The following NCOA2 variants were observed in gnomAD, a reference collection of about 807,000 sequenced individuals.
The protein encoded by NCOA2 is class E basic helix-loop-helix protein 75.
In NCOA2, 21 loss-of-function variants were observed where a neutral mutation model predicts 145.1. The observed-to-expected ratio is 0.14, with a 90% CI of 0.10 to 0.21. The LOEUF is 0.21. Ranked by LOEUF, NCOA2 falls within the 10% of genes least tolerant of loss-of-function variation. The pLI, the probability that NCOA2 is intolerant of heterozygous loss-of-function variation, is 1.00. For missense variants in NCOA2, 1,472 were observed against 1,837.6 expected (o/e 0.80, Z 3.64); for synonymous variants, 619 against 637.5 (o/e 0.97, Z 0.44).
At chr8:70,295,658 G>A (rs1827034719) in intron 2 of NCOA2, among the ~76,000 whole-genome samples, 1 of 152,128 alleles carries the variant, frequency 6.6e-6, no homozygotes, top group Non-Finnish European at 1.5e-5. Context: ...ATAAGCTTAA[G>A]AGTCTGGGCG....
At chr8:70,150,668 G>GA (rs1811636109) in intron 11 of NCOA2, among the ~76,000 whole-genome samples, 1 of 152,158 alleles carries the variant, frequency 6.6e-6, no homozygotes, top group Non-Finnish European at 1.5e-5. Context: ...CATATGTAAA[G>GA]TTGACTCCAC....
chr8:70,437,809 C>G, the NCOA2 span, among the ~76,000 whole-genome samples: 1 of 152,092 alleles, frequency 6.6e-6, no homozygotes, highest in African/African-American at 2.4e-5. Context: ...AGTTTGACAA[C>G]ATAATCATTA....
chr8:70,336,356 T>A (rs1165678424), intron 1 of NCOA2, among the ~76,000 whole-genome samples: 1 of 152,186 alleles, frequency 6.6e-6, no homozygotes, highest in Non-Finnish European at 1.5e-5. Context: ...CTGGCTTATT[T>A]CACTTAGCCA....
intron 5 of NCOA2, among the ~76,000 whole-genome samples, chr8:70,173,532 C>G (rs1814479084): frequency 6.6e-6 from 1 of 152,166 alleles, no homozygotes; most frequent in African/African-American, 2.4e-5. Flanking sequence ...AAGTAGCACT[C>G]TCTGGCCTTC....
chr8:70,398,734 A>G (rs1813928687), intron 1 of NCOA2, among the ~76,000 whole-genome samples: 1 of 152,224 alleles, frequency 6.6e-6, no homozygotes, highest in Admixed American at 6.5e-5. Context: ...AAACACCACC[A>G]TAGGTTCCCT....
chr8:70,150,879 T>A (rs938218885), intron 11 of NCOA2, among the ~76,000 whole-genome samples: 1 of 152,222 alleles, frequency 6.6e-6, no homozygotes, highest in Non-Finnish European at 1.5e-5. Context: ...GGAATTCCTA[T>A]AATTTCCATT....
At chr8:70,450,636 A>G in the NCOA2 span, among the ~76,000 whole-genome samples, 7 of 127,488 alleles carry the variant, frequency 5.5e-5, no homozygotes, top group African/African-American at 2.2e-4. Context: ...CTGGAGTGCA[A>G]TGGGGCAATC....
rs1017401799 is a variant in NCOA2, at chr8:70,264,453, C to T, written c.-20+32291G>A. On this transcript the variant is annotated intron_variant, in intron 2 of 22. Coordinates refer to ENST00000452400, the MANE Select transcript of NCOA2 (RefSeq NM_006540.4). The stretch of plus-strand genomic sequence containing the variant: ...GAGGCTGCAGAGAGGTGTGATAGTG[C>T]CACTGCATTCCAGCCTGGGCAACAG... Among the ~76,000 whole-genome samples the T allele has an allele frequency of 2.0e-5, 3 of 151,740 alleles. No homozygotes were observed. The East Asian group carries it at 5.8e-4, about 29-fold the overall frequency.
chr8:70,354,889 G>C (rs1243213716), intron 1 of NCOA2, among the ~76,000 whole-genome samples: 1 of 152,110 alleles, frequency 6.6e-6, no homozygotes, highest in Non-Finnish European at 1.5e-5. Flanking sequence ...ATTATTCTCT[G>C]AGATGTGAAC....
At chr8:70,277,339 T>C (rs1034430090) in intron 2 of NCOA2, among the ~76,000 whole-genome samples, 1 of 152,188 alleles carries the variant, frequency 6.6e-6, no homozygotes, top group African/African-American at 2.4e-5. Context: ...TTTCTGTTTT[T>C]CCAAGTAATA....
chr8:70,124,214 C>A (rs375243075), intron 20 of NCOA2, 132 bp from the exon 21 acceptor site: 11 of 825,000 alleles, frequency 1.3e-5, no homozygotes, highest in Non-Finnish European at 1.9e-6. Context: ...CAGGCTGAGA[C>A]AGCCGGCAGG....
chr8:70,335,122 CAAAAAAAAAAAAAA>C (rs59460365), intron 1 of NCOA2, among the ~76,000 whole-genome samples: 51 of 29,470 alleles, frequency 1.7e-3, no homozygotes, highest in East Asian at 3.8e-3. Flanking sequence ...GACTCCATCT[CAAAAAAAAAAAAAA>C]AAAAAAAAAA....
At chr8:70,324,158 T>C (rs890593485) in intron 1 of NCOA2, among the ~76,000 whole-genome samples, 3 of 152,170 alleles carry the variant, frequency 2.0e-5, no homozygotes, top group African/African-American at 7.2e-5. Flanking sequence ...ACTCCAAATA[T>C]CTCTATTTTC....
At chr8:70,177,964 G>C (rs910659114) in intron 4 of NCOA2, among the ~76,000 whole-genome samples, 2 of 152,176 alleles carry the variant, frequency 1.3e-5, no homozygotes, top group African/African-American at 4.8e-5. Context: ...GTTTGTGATA[G>C]TAACCCATTT....
Position 70,288,909 on chromosome 8 carries a change from T to C in NCOA2, c.-20+7835A>G, listed in dbSNP as rs577245004. ...ACAATTAAACATCTAACCTCTATAT[T>C]AGAGAAAAAATTTAACTGTTCCCAA... is the stretch of plus-strand genomic sequence containing the variant. On this transcript the variant is annotated intron_variant, in intron 2 of 22. Coordinates refer to ENST00000452400, the MANE Select transcript of NCOA2 (RefSeq NM_006540.4). Among the ~76,000 whole-genome samples the C allele has an allele frequency of 1.2e-4, 19 of 152,268 alleles. No homozygotes were observed. In the South Asian group the frequency reaches 3.9e-3, roughly 32 times the overall value.
chr8:70,209,180 TA>T (rs1381528264), intron 4 of NCOA2, among the ~76,000 whole-genome samples: 1 of 152,198 alleles, frequency 6.6e-6, no homozygotes. Flanking sequence ...GAAGTAACTC[TA>T]GATGCAGTGG....
intron 2 of NCOA2, among the ~76,000 whole-genome samples, chr8:70,270,946 A>G (rs1320807010): frequency 6.6e-6 from 1 of 152,234 alleles, no homozygotes; most frequent in Admixed American, 6.5e-5. Flanking sequence ...TCTAAATATA[A>G]AGAAAAAGAT....
chr8:70,224,971 A>T (rs978480154), intron 2 of NCOA2, among the ~76,000 whole-genome samples: 3 of 150,942 alleles, frequency 2.0e-5, no homozygotes, highest in Non-Finnish European at 3.0e-5. Context: ...TCTCCTGTCC[A>T]GAGTCTCAGT....
upstream of NCOA2, among the ~76,000 whole-genome samples, chr8:70,404,889 C>A (rs1160543039): frequency 1.3e-5 from 2 of 151,444 alleles, no homozygotes; most frequent in Admixed American, 1.3e-4. Flanking sequence ...AAAAAAAAAA[C>A]TTTTGTTTAA....
Sources: allele counts gnomAD v4.1 joint callset (sites outside exome capture counted in the v4.1 genomes callset), GRCh38; gene constraint gnomAD v4.1.1; transcripts MANE v1.5; gene names NCBI Gene and HGNC (gene_info 2026-07-23, HGNC 2026-07-21).